Variants in KLF12 observed in about 807,000 individuals in gnomAD.
KLF12 encodes the protein KLF transcription factor 12.
In KLF12, 9 loss-of-function variants were observed where a neutral mutation model predicts 37.8. That is an observed-to-expected ratio of 0.24 (90% CI 0.14 to 0.42). The LOEUF (loss-of-function observed/expected upper bound fraction) is 0.42. KLF12 is among the 10% of genes least tolerant of loss of function. The pLI is 1.00. For synonymous variants in KLF12, 208 were observed against 202.1 expected (o/e 1.03, Z -0.25); for missense variants, 411 against 516.0 (o/e 0.80, Z 1.97).
At chr13:73,863,890 A>G (rs1161738220) in intron 3 of KLF12, among the ~76,000 whole-genome samples, 1 of 152,196 alleles carries the variant, frequency 6.6e-6, no homozygotes, top group Non-Finnish European at 1.5e-5. Flanking sequence ...ATGAACATTT[A>G]CACTGAGTGT....
At chr13:74,235,911 A>T in the KLF12 span, among the ~76,000 whole-genome samples, 2 of 147,818 alleles carry the variant, frequency 1.4e-5, no homozygotes, top group Non-Finnish European at 3.0e-5. Flanking sequence ...TTTATTTTTT[A>T]ATTTTTTTAT....
At chr13:74,020,157 A>G (rs1236409022) in intron 1 of KLF12, among the ~76,000 whole-genome samples, 1 of 152,236 alleles carries the variant, frequency 6.6e-6, no homozygotes, top group Non-Finnish European at 1.5e-5. Flanking sequence ...TCAAAAAGCA[A>G]TTTCAGAAAT....
intron 1 of KLF12, among the ~76,000 whole-genome samples, chr13:74,057,569 C>T (rs767042022): frequency 4.6e-5 from 7 of 152,252 alleles, no homozygotes; most frequent in Non-Finnish European, 1.0e-4. Context: ...CAATCAGTCA[C>T]TTCCACCTCC....
chr13:73,903,012 T>G (rs1888106666), intron 3 of KLF12, among the ~76,000 whole-genome samples: 1 of 152,242 alleles, frequency 6.6e-6, no homozygotes, highest in South Asian at 2.1e-4. Context: ...TTTATTCAGA[T>G]CAGTTCTCCT....
chr13:73,875,161 T>TC (rs1886645953), intron 3 of KLF12, among the ~76,000 whole-genome samples: 1 of 151,458 alleles, frequency 6.6e-6, no homozygotes. Context: ...CAGATTTACT[T>TC]TGTAATATTT....
intron 5 of KLF12, among the ~76,000 whole-genome samples, chr13:73,773,915 G>A (rs191926711): frequency 3.9e-5 from 6 of 151,922 alleles, no homozygotes; most frequent in Admixed American, 2.6e-4. Flanking sequence ...CCTCAGCTCC[G>A]CAGTTCAAAT....
chr13:73,828,735 C>T (rs1014112992), intron 4 of KLF12, among the ~76,000 whole-genome samples: 2 of 152,178 alleles, frequency 1.3e-5, no homozygotes, highest in Non-Finnish European at 2.9e-5. Context: ...GTAAATAAAT[C>T]GTTAGCTTGG....
At chr13:73,765,456 G>GT (rs1879848713) in intron 5 of KLF12, among the ~76,000 whole-genome samples, 1 of 152,096 alleles carries the variant, frequency 6.6e-6, no homozygotes, top group Non-Finnish European at 1.5e-5. Context: ...AGCAAACAAC[G>GT]TTATTCAAAT....
intron 7 of KLF12, among the ~76,000 whole-genome samples, chr13:73,714,903 T>C (rs1053899037): frequency 1.3e-5 from 2 of 152,208 alleles, no homozygotes; most frequent in Non-Finnish European, 2.9e-5. Context: ...GCCTGAATGT[T>C]TGTAAAAACT....
rs372683203 is a variant in KLF12 at position 73,775,143 on chromosome 13, C to T, written c.807-10143G>A. ...ATATTGGCCAGGCTGGGCTCGAACT[C>T]CTGACCTCAGGTGATCCACCCACCT... On this transcript the variant is annotated intron_variant, in intron 5 of 7. Transcript: ENST00000377669. Among the ~76,000 whole-genome samples the T allele has an allele frequency of 5.0e-4, 76 of 152,220 alleles. 3 individuals are homozygous for T. In the South Asian group the frequency reaches 0.015, roughly 29 times the overall value.
chr13:74,242,315 T>G, the KLF12 span, among the ~76,000 whole-genome samples: 1 of 152,238 alleles, frequency 6.6e-6, no homozygotes, highest in South Asian at 2.1e-4. Flanking sequence ...AGAGGTTTAA[T>G]GGACTCACAG....
chr13:73,725,802 C>T (rs1008296323), intron 6 of KLF12, among the ~76,000 whole-genome samples: 1 of 151,486 alleles, frequency 6.6e-6, no homozygotes, highest in Non-Finnish European at 1.5e-5. Flanking sequence ...CATTTAAACT[C>T]TTGGAGTTTT....
chr13:74,069,098 AGCTATTCAT>A (rs1874080740), intron 1 of KLF12, among the ~76,000 whole-genome samples: 9 of 152,322 alleles, frequency 5.9e-5, no homozygotes, highest in African/African-American at 2.2e-4. Flanking sequence ...AACAAACAGT[AGCTATTCAT>A]CATACTAAGC....
intron 3 of KLF12, among the ~76,000 whole-genome samples, chr13:73,926,348 A>T (rs1889375206): frequency 6.6e-6 from 1 of 152,226 alleles, no homozygotes. Context: ...AAAGATGAAG[A>T]TTTGCTGAAA....
At chr13:73,924,465 T>C (rs1246003593) in intron 3 of KLF12, among the ~76,000 whole-genome samples, 1 of 152,170 alleles carries the variant, frequency 6.6e-6, no homozygotes, top group Non-Finnish European at 1.5e-5. Flanking sequence ...GTAACTACAG[T>C]GATTTTTTGG....
At chr13:73,886,160 T>C (rs1887214496) in intron 3 of KLF12, among the ~76,000 whole-genome samples, 2 of 152,192 alleles carry the variant, frequency 1.3e-5, no homozygotes, top group Non-Finnish European at 2.9e-5. Context: ...GTCACAAAGA[T>C]GAAGGTCTGA....
chr13:73,999,741 A>AAAAAAC (rs200435745), intron 1 of KLF12, among the ~76,000 whole-genome samples: 11,293 of 151,684 alleles, frequency 0.074, 646 homozygotes, highest in African/African-American at 0.16. Flanking sequence ...CTCCATCTCA[A>AAAAAAC]AAAAACAAAA....
At chr13:74,208,098 T>A in the KLF12 span, among the ~76,000 whole-genome samples, 1 of 152,206 alleles carries the variant, frequency 6.6e-6, no homozygotes, top group African/African-American at 2.4e-5. Flanking sequence ...AATTCTATTT[T>A]TGACATTAGG....
intron 1 of KLF12, among the ~76,000 whole-genome samples, chr13:74,080,578 T>A (rs1013897395): frequency 6.6e-6 from 1 of 151,810 alleles, no homozygotes; most frequent in Admixed American, 6.6e-5. Flanking sequence ...ATTTCCTGCC[T>A]CCCATCCCAA....
Sources: gnomAD v4.1 joint callset for allele counts (sites outside exome capture counted in the v4.1 genomes callset) on GRCh38, gnomAD v4.1.1 for gene constraint, MANE v1.5 for transcripts, NCBI Gene and HGNC (gene_info 2026-07-23, HGNC 2026-07-21) for gene names.